Variants in COTL1 observed in about 807,000 individuals in gnomAD.
The protein encoded by COTL1 is coactosin-like protein.
Under a neutral mutation model 16.5 loss-of-function variants are expected in COTL1, and 15 were observed. The ratio of observed to expected loss-of-function variants is 0.91; its 90% CI spans 0.61 to 1.40. The LOEUF is 1.40. Ranked by LOEUF, COTL1 falls within the 40% of genes most tolerant of loss-of-function variation. The pLI is 0.00. For missense variants in COTL1, 220 were observed against 201.5 expected (o/e 1.09, Z -0.56); for synonymous variants, 112 against 85.3 (o/e 1.31, Z -1.73).
intron 2 of COTL1, among the ~76,000 whole-genome samples, chr16:84,612,032 C>T (rs1292372826): frequency 2.0e-5 from 3 of 152,154 alleles, no homozygotes; most frequent in Non-Finnish European, 2.9e-5. Flanking sequence ...CCATTTCCTT[C>T]CCATCATCTC....
Position 84,566,807 on chromosome 16 carries a change from G to A in COTL1, c.*38C>T. The A allele has an allele frequency of 7.0e-7, 1 of 1,426,408 alleles. No homozygotes were observed. The highest frequency in any genetic ancestry group is 9.9e-7 in the Non-Finnish European group (1 of 1,010,314). 88.4% of individuals were successfully genotyped at this position (1,426,408 alleles called of 1,614,324 possible). On this transcript the variant is annotated 3_prime_UTR_variant, in exon 4 of 4. Transcript: ENST00000262428. ...GGTCCTCTCCCCCGGGGAGCAGGCAGATGACTTTGGCAAGGGGTGGTGTGG... is the reference window on the plus strand; with the variant it reads ...GGTCCTCTCCCCCGGGGAGCAGGCAAATGACTTTGGCAAGGGGTGGTGTGG...
At position 84,566,894 on chromosome 16, in the gene COTL1, C is replaced by G; in HGVS notation, c.380G>C (p.Ser127Thr). Reference sequence around the variant, plus strand: ...GGCTCCCCCCGCCTTCTTCAGCTCGCTCTTGATGAAATCTTCCTCCAGCTC... The same window carrying G: ...GGCTCCCCCCGCCTTCTTCAGCTCGGTCTTGATGAAATCTTCCTCCAGCTC... ...RKELEEDFIK[S>T]ELKKAGGANY... Residue 127 changes from serine to threonine, a missense_variant, in exon 4 of 4, where the codon AGC (serine) becomes ACC (threonine). Transcript: ENST00000262428. The G allele has an allele frequency of 1.2e-6, 2 of 1,614,118 alleles. No individual in the cohort carries two copies. Among genetic ancestry groups the G allele is most frequent in the Non-Finnish European group, 1.7e-6 (2 of 1,179,990 alleles).
chr16:84,567,173 G>C (rs1227470660), intron 3 of COTL1: 1 of 514,048 alleles, frequency 1.9e-6, no homozygotes, highest in African/African-American at 1.9e-5. Context: ...ACTGGGAGGA[G>C]GGAGTGGGGC....
At chr16:84,585,571 G>A (rs140592457) in intron 3 of COTL1, among the ~76,000 whole-genome samples, 65 of 152,240 alleles carry the variant, frequency 4.3e-4, no homozygotes, top group African/African-American at 1.5e-3. Context: ...AGTGCAGCTG[G>A]GGAAGTGACC....
rs753341912 is a variant in COTL1, at chr16:84,590,110, C to T, written c.313G>A (p.Val105Ile). 7 of 1,613,246 alleles carry T rather than the reference C, an allele frequency of 4.3e-6. No homozygotes were observed. Among genetic ancestry groups the T allele is most frequent in the South Asian group, 1.1e-5 (1 of 91,024 alleles). Residue 105 changes from valine (V) to isoleucine (I), a missense_variant, in exon 3 of 4, where the codon GTA becomes ATA. By Grantham distance (29) the Val-to-Ile change is conservative (BLOSUM62 3). Coordinates refer to ENST00000262428, the MANE Select transcript of COTL1 (RefSeq NM_021149.5). This position sits in a 1 kb window ranked among gnomAD's most constrained non-coding sequence, Gnocchi z 5.5. Reference sequence around the variant, plus strand: ...ACTCTGGAGGAACTCAGTACCTGTACGACCTCCTTCACCAGGGTCTTGTCC... The same window carrying T: ...ACTCTGGAGGAACTCAGTACCTGTATGACCTCCTTCACCAGGGTCTTGTCC... ...GTDKTLVKEVVQNFAKEFVIS... is the reference protein window; with the variant it reads ...GTDKTLVKEVIQNFAKEFVIS...
intron 3 of COTL1, among the ~76,000 whole-genome samples, chr16:84,589,174 C>A (rs180912313): frequency 6.6e-6 from 1 of 151,946 alleles, no homozygotes; most frequent in African/African-American, 2.4e-5. Context: ...TGGGGTCTCA[C>A]TATGTTGCCC....
intron 3 of COTL1, among the ~76,000 whole-genome samples, chr16:84,573,468 T>A (rs934423711): frequency 6.6e-6 from 1 of 152,186 alleles, no homozygotes; most frequent in African/African-American, 2.4e-5. Flanking sequence ...TTCAAAGGTA[T>A]GCATCATGAA....
At position 84,566,814 on chromosome 16, in the gene COTL1, T is replaced by G; in HGVS notation, c.*31A>C. 6.7e-7 allele frequency: 1 copy of G among 1,495,616 alleles called. No homozygotes were observed. Among genetic ancestry groups the G allele is most frequent in the Non-Finnish European group, 9.3e-7 (1 of 1,073,500 alleles). 92.6% of individuals were successfully genotyped at this position (1,495,616 alleles called of 1,614,324 possible). A position where few individuals can be genotyped will look rare whatever the true frequency, so the allele number is the denominator to read the frequency against. ...TCCCCCGGGGAGCAGGCAGATGACT[T>G]TGGCAAGGGGTGGTGTGGCGGGGGC... is the stretch of plus-strand genomic sequence containing the variant. On this transcript the variant is annotated 3_prime_UTR_variant, in exon 4 of 4. Transcript: ENST00000262428.
In COTL1 at chr16:84,617,953, G is replaced by A. The variant is rs769419641; in HGVS notation, c.-39C>T. 4.4e-5 allele frequency: 66 copies of A among 1,486,548 alleles called. No individual in the cohort carries two copies. Among genetic ancestry groups the A allele is most frequent in the African/African-American group, 2.6e-4 (18 of 68,572 alleles). The allele number at this position is 1,486,548 out of a possible 1,614,324, so 92.1% of individuals were successfully genotyped here. A position where few individuals can be genotyped will look rare whatever the true frequency, so the allele number is the denominator to read the frequency against. On this transcript the variant is annotated 5_prime_UTR_variant, in exon 1 of 4. Coordinates refer to ENST00000262428, the MANE Select transcript of COTL1 (RefSeq NM_021149.5). ...CAGCGGGACACTGTCCGGGGCGGCC[G>A]AGCGCGCCCCTGGCCGGCGGCGGGG...
In COTL1 at chr16:84,601,034, C is replaced by G. The variant is rs115890528; in HGVS notation, c.161-10772G>C. Among the ~76,000 whole-genome samples the G allele has an allele frequency of 8.8e-3, 1,345 of 152,148 alleles. 7 individuals are homozygous for G. Among genetic ancestry groups the G allele is most frequent in the Non-Finnish European group, 0.015 (1,019 of 67,998 alleles). ...AGAGAAGAGTGGCTGTAAAGCAGTC[C>G]CTGGAGGCTCTGAGGACCTTATTAC... On this transcript the variant is annotated intron_variant, in intron 2 of 3. Coordinates refer to ENST00000262428, the MANE Select transcript of COTL1 (RefSeq NM_021149.5).
chr16:84,610,491 A>C (rs115979898), intron 2 of COTL1, among the ~76,000 whole-genome samples: 394 of 152,244 alleles, frequency 2.6e-3, no homozygotes, highest in African/African-American at 9.1e-3. Flanking sequence ...TATTTGTTTT[A>C]ATCCCAGAGA....
chr16:84,608,979 G>A (rs1472317457), intron 2 of COTL1, among the ~76,000 whole-genome samples: 1 of 152,162 alleles, frequency 6.6e-6, no homozygotes, highest in East Asian at 1.9e-4. Flanking sequence ...TTTGTCGCAT[G>A]CATTAACGGA....
intron 2 of COTL1, among the ~76,000 whole-genome samples, chr16:84,593,684 T>C (rs1904928530): frequency 6.6e-6 from 1 of 152,078 alleles, no homozygotes; most frequent in Non-Finnish European, 1.5e-5. Context: ...GCTAATTTTT[T>C]GTATTTTTAG....
chr16:84,567,261 G>A (rs553050937), intron 3 of COTL1: 52 of 283,924 alleles, frequency 1.8e-4, no homozygotes, highest in African/African-American at 1.1e-3. Flanking sequence ...TGTTACCTTG[G>A]CCAAGTCCCT....
At chr16:84,597,959 T>G (rs1905040330) in intron 2 of COTL1, among the ~76,000 whole-genome samples, 2 of 152,180 alleles carry the variant, frequency 1.3e-5, no homozygotes, top group Admixed American at 1.3e-4. Flanking sequence ...GTGCTGCCTC[T>G]AGCTCCTCTG....
intron 3 of COTL1, chr16:84,568,236 G>A (rs535241402): frequency 6.6e-6 from 1 of 152,338 alleles, no homozygotes; most frequent in East Asian, 1.9e-4. Flanking sequence ...GGCCTTAAGT[G>A]ATCCGCCCAG....
Position 84,590,545 on chromosome 16 carries a change from G to C in COTL1, c.161-283C>G, listed in dbSNP as rs369953994. ...CACATGGCACTTTCAAGGTTGTGAG[G>C]GAATTCAAGGTCATGCTGGGATTTA... On this transcript the variant is annotated intron_variant, in intron 2 of 3. Transcript: ENST00000262428. The surrounding 1 kb of genome is among the most constrained non-coding windows in gnomAD (Gnocchi z 5.5). The C allele has an allele frequency of 1.8e-5, 5 of 284,374 alleles. No homozygotes were observed. Among genetic ancestry groups the C allele is most frequent in the African/African-American group, 8.7e-5 (4 of 45,934 alleles). 17.6% of individuals were successfully genotyped at this position (284,374 alleles called of 1,614,324 possible). A position where few individuals can be genotyped will look rare whatever the true frequency, so the allele number is the denominator to read the frequency against.
At chr16:84,571,846 T>C (rs1247080305) in intron 3 of COTL1, among the ~76,000 whole-genome samples, 1 of 152,116 alleles carries the variant, frequency 6.6e-6, no homozygotes, top group Non-Finnish European at 1.5e-5. Flanking sequence ...GCTCCCACCT[T>C]CTATAGGGCC....
At chr16:84,608,011 C>T (rs1025001030) in intron 2 of COTL1, among the ~76,000 whole-genome samples, 3 of 152,094 alleles carry the variant, frequency 2.0e-5, no homozygotes, top group African/African-American at 7.2e-5. Flanking sequence ...GAAGCACAAG[C>T]GAGGGGGACT....
Sources: gnomAD v4.1 joint callset for allele counts (sites outside exome capture counted in the v4.1 genomes callset) on GRCh38, gnomAD v4.1.1 for gene constraint, Gnocchi (gnomAD v3.1) non-coding constraint, MANE v1.5 for transcripts, NCBI Gene and HGNC (gene_info 2026-07-23, HGNC 2026-07-21) for gene names.